PDE9A: variants seen among roughly 807,000 people sequenced by gnomAD.
The protein encoded by PDE9A is phosphodiesterase 9A, also known as high affinity cGMP-specific 3',5'-cyclic phosphodiesterase 9A.
PDE9A carries 60 observed loss-of-function variants against 87.4 expected under a neutral mutation model. The observed-to-expected ratio is 0.69, with a 90% CI of 0.56 to 0.85. The LOEUF is 0.85. Among genes scored for constraint, PDE9A ranks in the 40% least tolerant of loss-of-function variants. PDE9A has a pLI of 0.00. For missense variants in PDE9A, 665 were observed against 779.0 expected, an observed-to-expected ratio of 0.85 and a Z score of 1.74; for synonymous variants, 272 against 279.4, an observed-to-expected ratio of 0.97 and a Z score of 0.27.
rs922869006 is a variant in PDE9A, at chr21:42,739,450, C to T, written c.569-4326C>T. On this transcript the variant is annotated intron_variant, in intron 7 of 19. Coordinates refer to ENST00000291539, the MANE Select transcript of PDE9A (RefSeq NM_002606.3). This position sits in a 1 kb window ranked among gnomAD's most constrained non-coding sequence, Gnocchi z 4.1. ...CAGGACCCCCGGGGACACAGGCACA[C>T]ACATCCACCACATGCTCACCTCTGC... Among the ~76,000 whole-genome samples the T allele has an allele frequency of 1.3e-5, 2 of 152,216 alleles. No individual in the cohort carries two copies. Among genetic ancestry groups the T allele is most frequent in the African/African-American group, 4.8e-5 (2 of 41,452 alleles).
At chr21:42,743,327 C>G (rs1203966326) in intron 7 of PDE9A, among the ~76,000 whole-genome samples, 1 of 152,244 alleles carries the variant, frequency 6.6e-6, no homozygotes, top group Non-Finnish European at 1.5e-5. Context: ...ATAATGAGAT[C>G]GTAATCCTTG....
At chr21:42,699,838 C>T (rs1258787789) in intron 4 of PDE9A, among the ~76,000 whole-genome samples, 3 of 152,154 alleles carry the variant, frequency 2.0e-5, no homozygotes, top group Non-Finnish European at 4.4e-5. Context: ...GGATTACAGG[C>T]GTGAGCCACA....
At chr21:42,685,041 T>G (rs1602039877) in intron 1 of PDE9A, among the ~76,000 whole-genome samples, 1 of 151,116 alleles carries the variant, frequency 6.6e-6, no homozygotes, top group Non-Finnish European at 1.5e-5. Flanking sequence ...TAGGCCTGCG[T>G]TTCCCCCACA....
intron 15 of PDE9A, among the ~76,000 whole-genome samples, chr21:42,767,577 G>A (rs11203216): frequency 0.062 from 9,437 of 152,286 alleles, 330 homozygotes; most frequent in Middle Eastern, 0.12. Context: ...CCCCAAACCA[G>A]CAGGTGCAGC....
rs758617113 is a variant in PDE9A, at chr21:42,731,766, A to G, written c.263-4A>G. The stretch of plus-strand genomic sequence containing the variant: ...GGAAACCCAGTCCTGCCTGCTTTTT[A>G]TAGCTGGTGTCGAGGACAAGAGAAC... On this transcript the variant is annotated splice_polypyrimidine_tract_variant and splice_region_variant and intron_variant, in intron 4 of 19. Transcript: ENST00000291539. 3.1e-6 allele frequency: 5 copies of G among 1,609,824 alleles called. No homozygotes were observed. Among genetic ancestry groups the G allele is most frequent in the South Asian group, 1.1e-5 (1 of 90,388 alleles).
chr21:42,678,847 G>A (rs952697693), intron 1 of PDE9A, among the ~76,000 whole-genome samples: 1 of 152,224 alleles, frequency 6.6e-6, no homozygotes, highest in African/African-American at 2.4e-5. Flanking sequence ...CACAGATCAG[G>A]GTGCACAGAC....
chr21:42,684,794 A>G (rs1212228312), intron 1 of PDE9A, among the ~76,000 whole-genome samples: 3 of 152,100 alleles, frequency 2.0e-5, no homozygotes, highest in South Asian at 2.1e-4. Flanking sequence ...GACACAGGCC[A>G]CCTTTGACCG....
chr21:42,656,750 G>A (rs1187390147), intron 1 of PDE9A, among the ~76,000 whole-genome samples: 3 of 152,006 alleles, frequency 2.0e-5, no homozygotes, highest in African/African-American at 7.3e-5. Context: ...CTGGGCGTGT[G>A]AAGTGAGTCG....
chr21:42,751,214 GC>G lies in PDE9A; in HGVS notation c.735+20del. ...TACCCCAAGGTAAGATGAGATTCCG[GC>G]CCAGAAGAAGCTGCAGCTGTGTCCC... On this transcript the variant is annotated intron_variant, in intron 9 of 19. Coordinates refer to ENST00000291539, the MANE Select transcript of PDE9A (RefSeq NM_002606.3). The G allele has an allele frequency of 6.3e-7, 1 of 1,577,062 alleles. No individual in the cohort carries two copies. The highest frequency in any genetic ancestry group is 8.7e-7 in the Non-Finnish European group (1 of 1,146,408).
intron 7 of PDE9A, among the ~76,000 whole-genome samples, chr21:42,736,341 C>T (rs1300731913): frequency 6.6e-6 from 1 of 152,160 alleles, no homozygotes; most frequent in East Asian, 1.9e-4. Context: ...ATTTTACCTG[C>T]AAGTGGCAGG....
rs2049873923 is a variant in PDE9A, at chr21:42,715,895, C to T, written c.263-15875C>T. Among the ~76,000 whole-genome samples, 2 of 151,862 alleles carry T rather than the reference C, an allele frequency of 1.3e-5. 1 individual carries two copies. Among genetic ancestry groups the T allele is most frequent in the Middle Eastern group, 6.8e-3 (2 of 294 alleles). On this transcript the variant is annotated intron_variant, in intron 4 of 19. Transcript: ENST00000291539. ...CAGAATCGGTTCACTGCCTTCAAAACCCCCTGTGCGCCACCTATTCATCCC... is the reference window on the plus strand; with the variant it reads ...CAGAATCGGTTCACTGCCTTCAAAATCCCCTGTGCGCCACCTATTCATCCC...
intron 1 of PDE9A, among the ~76,000 whole-genome samples, chr21:42,673,124 G>A (rs1391808834): frequency 6.6e-6 from 1 of 152,170 alleles, no homozygotes; most frequent in Non-Finnish European, 1.5e-5. Context: ...CTGTGGGCGA[G>A]GTAGGATTTG....
chr21:42,699,051 A>C (rs2060299495), intron 4 of PDE9A, 40 bp downstream of exon 4: 1 of 1,409,524 alleles, frequency 7.1e-7, no homozygotes, highest in South Asian at 1.2e-5. Context: ...AAAGAAGGAA[A>C]AAGAAATCTT....
intron 14 of PDE9A, among the ~76,000 whole-genome samples, chr21:42,763,480 CG>C (rs2056039884): frequency 6.6e-6 from 1 of 152,186 alleles, no homozygotes. Flanking sequence ...TAAGGGACTT[CG>C]GGGCCCCCAG....
intron 19 of PDE9A, among the ~76,000 whole-genome samples, chr21:42,773,259 CAA>C (rs10552392): frequency 0.088 from 7,375 of 84,082 alleles, 228 homozygotes; most frequent in African/African-American, 0.19. Flanking sequence ...GACTCCATCT[CAA>C]AAAAAAAAAA....
At chr21:42,774,573 T>C (rs1367258339) in intron 19 of PDE9A, among the ~76,000 whole-genome samples, 1 of 152,146 alleles carries the variant, frequency 6.6e-6, no homozygotes, top group Non-Finnish European at 1.5e-5. Context: ...TCTGATGGCC[T>C]CTTTCTTTTA....
chr21:42,761,981 C>T lies in PDE9A; in HGVS notation c.1086-102C>T, dbSNP rs556208720. 2.0e-5 allele frequency: 25 copies of T among 1,241,378 alleles called. No individual in the cohort carries two copies. In the Admixed American group the frequency reaches 2.6e-4, roughly 13 times the overall value. 76.9% of individuals were successfully genotyped at this position (1,241,378 alleles called of 1,614,324 possible). On this transcript the variant is annotated intron_variant, in intron 13 of 19. Transcript: ENST00000291539. Reference sequence around the variant, plus strand: ...TCCCCCAGCCCCCACGGCACCTTCTCCTGACTCTACTTGCTCCACTTACAT... The same window carrying T: ...TCCCCCAGCCCCCACGGCACCTTCTTCTGACTCTACTTGCTCCACTTACAT...
intron 8 of PDE9A, among the ~76,000 whole-genome samples, chr21:42,746,295 C>T (rs780587267): frequency 4.6e-5 from 7 of 152,210 alleles, no homozygotes; most frequent in African/African-American, 1.4e-4. Flanking sequence ...GGCTGCGTAA[C>T]GAATTCTCAT....
intron 1 of PDE9A, among the ~76,000 whole-genome samples, chr21:42,672,438 C>T (rs1235966472): frequency 6.6e-6 from 1 of 152,238 alleles, no homozygotes; most frequent in Non-Finnish European, 1.5e-5. Context: ...TCTCAGTCCC[C>T]ATTGGTGGTT....
Sources: allele counts gnomAD v4.1 joint callset (sites outside exome capture counted in the v4.1 genomes callset), GRCh38; gene constraint gnomAD v4.1.1; non-coding constraint Gnocchi (gnomAD v3.1); transcripts MANE v1.5; gene names NCBI Gene and HGNC (gene_info 2026-07-23, HGNC 2026-07-21).